SLC24A2: variants seen among roughly 807,000 people sequenced by gnomAD.
SLC24A2 encodes sodium/potassium/calcium exchanger 2.
SLC24A2 carries 36 observed loss-of-function variants against 62.0 expected under a neutral mutation model. That is an observed-to-expected ratio of 0.58 (90% CI 0.44 to 0.77). The LOEUF (loss-of-function observed/expected upper bound fraction) is 0.77. Among genes scored for constraint, SLC24A2 ranks in the 30% least tolerant of loss-of-function variants. The pLI is 0.00. For synonymous variants in SLC24A2, 358 were observed against 294.0 expected (o/e 1.22, Z -2.23); for missense variants, 846 against 817.9 (o/e 1.03, Z -0.42).
intron 2 of SLC24A2, among the ~76,000 whole-genome samples, chr9:19,682,507 C>T (rs983968139): frequency 6.6e-6 from 1 of 152,064 alleles, no homozygotes; most frequent in African/African-American, 2.4e-5. Flanking sequence ...ACTTCAACAC[C>T]AAACCACAGA....
chr9:19,992,695 A>G, the SLC24A2 span, among the ~76,000 whole-genome samples: 1 of 152,204 alleles, frequency 6.6e-6, no homozygotes, highest in African/African-American at 2.4e-5. Context: ...ATAGGAAAAA[A>G]TCACTCATGC....
intron 4 of SLC24A2, among the ~76,000 whole-genome samples, chr9:19,604,573 A>T (rs746047879): frequency 2.0e-5 from 3 of 152,200 alleles, no homozygotes; most frequent in Non-Finnish European, 2.9e-5. Context: ...CCTCTGGTGC[A>T]TGAAAGCATC....
chr9:19,636,281 C>CTCTTCTTTTCTTTTCTT lies in SLC24A2; in HGVS notation c.931-13983_931-13982insAAGAAAAGAAAAGAAGA, dbSNP rs1554690322. Among the ~76,000 whole-genome samples the CTCTTCTTTTCTTTTCTT allele has an allele frequency of 5.5e-4, 41 of 74,148 alleles. 2 individuals are homozygous for CTCTTCTTTTCTTTTCTT. The highest frequency in any genetic ancestry group is 8.7e-4 in the Admixed American group (6 of 6,908). 48.6% of individuals were successfully genotyped at this position (74,148 alleles called of 152,430 possible). On this transcript the variant is annotated intron_variant, in intron 2 of 10. Coordinates refer to ENST00000341998, the MANE Select transcript of SLC24A2 (RefSeq NM_020344.4). ...TTTTCTTTTCTTCTCTTCTTCTCTTCTTCTCTTCTTTTCTTTTCTTTTCTT... is the reference window on the plus strand; with the variant it reads ...TTTTCTTTTCTTCTCTTCTTCTCTTCTCTTCTTTTCTTTTCTTTTCTCTTCTTTTCTTTTCTTTTCTT...
At chr9:19,996,212 T>C in the SLC24A2 span, among the ~76,000 whole-genome samples, 2 of 152,060 alleles carry the variant, frequency 1.3e-5, no homozygotes, top group Admixed American at 1.3e-4. Context: ...CATCAAAGGG[T>C]TTGATTTTAC....
chr9:19,707,342 T>G (rs1405200595), intron 2 of SLC24A2, among the ~76,000 whole-genome samples: 3 of 152,222 alleles, frequency 2.0e-5, no homozygotes, highest in Admixed American at 1.3e-4. Context: ...GAGGAGCTGG[T>G]ACCATTCCTT....
chr9:20,260,845 CTTTCTTTTTT>C, the SLC24A2 span, among the ~76,000 whole-genome samples: 4 of 110,516 alleles, frequency 3.6e-5, no homozygotes, highest in South Asian at 7.7e-4. Flanking sequence ...ACGTATCATT[CTTTCTTTTTT>C]TTTTTTTTTT....
At chr9:19,877,290 C>A in the SLC24A2 span, among the ~76,000 whole-genome samples, 14 of 148,288 alleles carry the variant, frequency 9.4e-5, no homozygotes, top group African/African-American at 3.5e-4. Context: ...GAGAGACAGG[C>A]TGGGAAGAGA....
the SLC24A2 span, among the ~76,000 whole-genome samples, chr9:19,871,650 T>C: frequency 1.3e-5 from 2 of 152,222 alleles, no homozygotes; most frequent in Non-Finnish European, 2.9e-5. Flanking sequence ...ACAAGATTAG[T>C]TGTTAATTGA....
chr9:20,056,620 T>G, the SLC24A2 span, among the ~76,000 whole-genome samples: 2 of 152,224 alleles, frequency 1.3e-5, no homozygotes, highest in African/African-American at 4.8e-5. Flanking sequence ...AATTCCCTGT[T>G]GAATAACTCT....
the SLC24A2 span, among the ~76,000 whole-genome samples, chr9:20,142,427 C>A: frequency 6.6e-6 from 1 of 151,208 alleles, no homozygotes; most frequent in Non-Finnish European, 1.5e-5. Context: ...CATTATAAAC[C>A]AGACTGCAAG....
intron 2 of SLC24A2, among the ~76,000 whole-genome samples, chr9:19,687,664 A>C (rs964262223): frequency 6.6e-6 from 1 of 152,048 alleles, no homozygotes; most frequent in Admixed American, 6.6e-5. Flanking sequence ...TTACCTTTAC[A>C]CTTGACTTTG....
the SLC24A2 span, among the ~76,000 whole-genome samples, chr9:20,131,829 C>T: frequency 2.0e-5 from 3 of 152,074 alleles, no homozygotes; most frequent in Non-Finnish European, 4.4e-5. Context: ...AAGGAATGAA[C>T]ACACAGGTTT....
chr9:19,860,154 T>G, the SLC24A2 span, among the ~76,000 whole-genome samples: 1 of 152,038 alleles, frequency 6.6e-6, no homozygotes, highest in Non-Finnish European at 1.5e-5. Flanking sequence ...CCCCTAACCC[T>G]AAGTTGCACA....
chr9:19,999,861 G>GTT, the SLC24A2 span, among the ~76,000 whole-genome samples: 1 of 152,168 alleles, frequency 6.6e-6, no homozygotes, highest in Non-Finnish European at 1.5e-5. Context: ...GAAGGGGCCT[G>GTT]TTTTCAACCT....
At chr9:20,073,908 C>T in the SLC24A2 span, among the ~76,000 whole-genome samples, 2 of 130,096 alleles carry the variant, frequency 1.5e-5, no homozygotes, top group Admixed American at 1.7e-4. Context: ...ATATATATAT[C>T]CTTGTGGGGA....
the SLC24A2 span, among the ~76,000 whole-genome samples, chr9:20,222,325 A>G: frequency 3.6e-4 from 55 of 152,076 alleles, no homozygotes; most frequent in African/African-American, 1.3e-3. Flanking sequence ...ACCTAAAATG[A>G]AAGGATAGAA....
intron 5 of SLC24A2, among the ~76,000 whole-genome samples, chr9:19,596,087 A>G (rs1836696838): frequency 1.3e-5 from 2 of 152,168 alleles, no homozygotes; most frequent in Non-Finnish European, 2.9e-5. Flanking sequence ...CAGGGCTAGC[A>G]AAAGAGAAGG....
chr9:19,711,606 G>C lies in SLC24A2; in HGVS notation c.930+74331C>G, dbSNP rs73430088. 7.1e-3 allele frequency among the ~76,000 whole-genome samples: 1,078 copies of C among 152,278 alleles called. 18 individuals are homozygous for C. Among genetic ancestry groups the C allele is most frequent in the African/African-American group, 0.025 (1,027 of 41,544 alleles). Reference sequence around the variant, plus strand: ...GGCTTGATATAAAGATAATGCCTAGGATTTCATTTCTAGAAGAACACATCC... The same window carrying C: ...GGCTTGATATAAAGATAATGCCTAGCATTTCATTTCTAGAAGAACACATCC... On this transcript the variant is annotated intron_variant, in intron 2 of 10. Transcript: ENST00000341998.
intron 2 of SLC24A2, among the ~76,000 whole-genome samples, chr9:19,780,570 A>T (rs1310383346): frequency 6.7e-6 from 1 of 149,890 alleles, no homozygotes; most frequent in African/African-American, 2.4e-5. Flanking sequence ...CCGGCCACAC[A>T]GGTTAAAATT....
Sources: allele counts gnomAD v4.1 joint callset (sites outside exome capture counted in the v4.1 genomes callset), GRCh38; gene constraint gnomAD v4.1.1; transcripts MANE v1.5; gene names NCBI Gene and HGNC (gene_info 2026-07-23, HGNC 2026-07-21).